The following TERF2 variants were observed in gnomAD, a reference collection of about 807,000 sequenced individuals.
TERF2 encodes the protein telomeric repeat binding factor 2, also known as telomeric repeat-binding factor 2.
Under a neutral mutation model 56.1 loss-of-function variants are expected in TERF2, and 16 were observed. That is an observed-to-expected ratio of 0.29 (90% confidence interval 0.19 to 0.43). TERF2 has a LOEUF of 0.43. Ranked by LOEUF, TERF2 falls within the 20% of genes least tolerant of loss-of-function variation. The pLI, the probability that TERF2 is intolerant of heterozygous loss-of-function variation, is 1.00. For synonymous variants in TERF2, 296 were observed against 282.1 expected (o/e 1.05, Z -0.50); for missense variants, 547 against 712.9 (o/e 0.77, Z 2.65).
At position 69,370,565 on chromosome 16, in the gene TERF2, T is replaced by TCTCATATCTCA; in HGVS notation, c.757_758insTGAGATATGAG (p.Asn253MetfsTer38). ...CTGCTGGAAGGTCTCATATGAAAAG[T>TCTCATATCTCA]TCTGGATAACAGGATGGGCCAAGTT... On this transcript the variant is annotated frameshift_variant, in exon 5 of 10. Coordinates refer to ENST00000254942, the MANE Select transcript of TERF2 (RefSeq NM_005652.5). LOFTEE classifies it high-confidence loss of function. 6.2e-7 allele frequency: 1 copy of TCTCATATCTCA among 1,614,146 alleles called. No homozygotes were observed. The highest frequency in any genetic ancestry group is 8.5e-7 in the Non-Finnish European group (1 of 1,180,040).
intron 8 of TERF2, among the ~76,000 whole-genome samples, chr16:69,358,635 C>T (rs2013010015): frequency 6.6e-6 from 1 of 152,146 alleles, no homozygotes; most frequent in South Asian, 2.1e-4. Context: ...TTACACAAAC[C>T]TAGATGGTAG....
intron 5 of TERF2, 191 bp from the exon 6 acceptor site, chr16:69,368,673 A>C (rs1176168829): frequency 9.1e-6 from 13 of 1,435,234 alleles, no homozygotes; most frequent in Admixed American, 2.0e-5. Flanking sequence ...TTCAAACTTA[A>C]GATAACTAAT....
Position 69,370,569 on chromosome 16 carries a change from G to A in TERF2, c.754C>T (p.Gln252Ter). The A allele has an allele frequency of 6.2e-7, 1 of 1,614,070 alleles. No individual in the cohort carries two copies. Among genetic ancestry groups the A allele is most frequent in the Non-Finnish European group, 8.5e-7 (1 of 1,180,000 alleles). The part of the protein sequence containing the change: ...REKNLAHPVI[Q>*]NFSYETFQQK... The stretch of plus-strand genomic sequence containing the variant: ...TGGAAGGTCTCATATGAAAAGTTCT[G>A]GATAACAGGATGGGCCAAGTTCTTT... Residue 252 changes from glutamine to a stop codon, truncating the protein, a stop_gained, in exon 5 of 10, where the codon CAG (glutamine) becomes TAG (stop). Coordinates refer to ENST00000254942, the MANE Select transcript of TERF2 (RefSeq NM_005652.5). LOFTEE classifies it high-confidence loss of function.
At chr16:69,370,820 A>C (rs1038970713) in intron 4 of TERF2, among the ~76,000 whole-genome samples, 191 bp from the exon 5 acceptor site, 14 of 152,238 alleles carry the variant, frequency 9.2e-5, no homozygotes, top group Non-Finnish European at 4.4e-5. Context: ...GTGGGTTACT[A>C]TGCAGCTATA....
intron 7 of TERF2, chr16:69,366,582 C>T: frequency 1.9e-6 from 1 of 532,674 alleles, no homozygotes. Flanking sequence ...CCTTTCCATT[C>T]CCACTCATGC....
intron 8 of TERF2, among the ~76,000 whole-genome samples, chr16:69,360,311 G>C (rs1487841471): frequency 1.3e-5 from 2 of 151,760 alleles, no homozygotes; most frequent in Non-Finnish European, 2.9e-5. Context: ...CTTGAACCTG[G>C]AAGGCGGAGG....
intron 4 of TERF2, 79 bp downstream of exon 4, chr16:69,372,190 C>G: frequency 2.0e-6 from 2 of 1,014,754 alleles, no homozygotes; most frequent in Non-Finnish European, 1.5e-6. Context: ...TATTCCTGAC[C>G]AAGAACCCTT....
intron 5 of TERF2, among the ~76,000 whole-genome samples, chr16:69,369,722 T>C (rs1597249530): frequency 6.6e-6 from 1 of 152,362 alleles, no homozygotes; most frequent in Middle Eastern, 3.4e-3. Context: ...ACTGCTTCCA[T>C]TCTTTTATCT....
At chr16:69,370,365 G>C in intron 5 of TERF2, 118 bp downstream of exon 5, 4 of 1,349,284 alleles carry the variant, frequency 3.0e-6, no homozygotes, top group Non-Finnish European at 4.0e-6. Flanking sequence ...AATTAAGAAA[G>C]CTAGTGCATA....
At chr16:69,361,350 G>A (rs534905617) in intron 8 of TERF2, 54 bp downstream of exon 8, 11 of 1,231,246 alleles carry the variant, frequency 8.9e-6, no homozygotes, top group South Asian at 7.2e-5. Context: ...ACAGTAACAC[G>A]CATCTGTACT....
rs922892228 is a variant in TERF2, at chr16:69,362,345, C to T, written c.1341-856G>A. Among the ~76,000 whole-genome samples, 3 of 152,160 alleles carry T rather than the reference C, an allele frequency of 2.0e-5. No individual in the cohort carries two copies. The South Asian group carries it at 6.2e-4, about 31-fold the overall frequency. On this transcript the variant is annotated intron_variant, in intron 7 of 9. Coordinates refer to ENST00000254942, the MANE Select transcript of TERF2 (RefSeq NM_005652.5). ...ACAACACACACAGAAAGCCTTTCTC[C>T]TCCTGCCTGCAGTGCTGTTTCCACC...
In TERF2 at chr16:69,385,799, C is replaced by T. The variant is rs1055614214; in HGVS notation, c.173G>A (p.Gly58Asp). The T allele has an allele frequency of 6.2e-6, 8 of 1,297,058 alleles. No individual in the cohort carries two copies. The highest frequency in any genetic ancestry group is 2.4e-5 in the South Asian group (1 of 41,204). The allele number at this position is 1,297,058 out of a possible 1,614,324, so 80.3% of individuals were successfully genotyped here. The change falls in exon 1 of 10, where the codon GGC becomes GAC. Residue 58 changes from glycine (G) to aspartate (D), a missense_variant. Gly to Asp is a moderately conservative substitution (Grantham distance 94). Transcript: ENST00000254942. Reference sequence around the variant, plus strand: ...CCCGCTACTGCGGGACGCCCGCCTGCCAGCTGCCCGCCCGCTGCCGTCGCT... The same window carrying T: ...CCCGCTACTGCGGGACGCCCGCCTGTCAGCTGCCCGCCCGCTGCCGTCGCT... Reference protein sequence around the residue: ...GSSDGSGRAAGRRASRSSGRA... With the variant: ...GSSDGSGRAADRRASRSSGRA...
intron 5 of TERF2, among the ~76,000 whole-genome samples, chr16:69,369,743 AT>A (rs2142735025): frequency 6.6e-6 from 1 of 152,266 alleles, no homozygotes; most frequent in South Asian, 2.1e-4. Flanking sequence ...CTTTGATCCA[AT>A]TAAAGAATGT....
Position 69,356,821 on chromosome 16 carries a change from A to G in TERF2, c.*77T>C, listed in dbSNP as rs1260019158. 1.4e-6 allele frequency: 2 copies of G among 1,447,410 alleles called. No homozygotes were observed. The highest frequency in any genetic ancestry group is 1.4e-5 in the South Asian group (1 of 69,750). The allele number at this position is 1,447,410 out of a possible 1,614,324, so 89.7% of individuals were successfully genotyped here. A position where few individuals can be genotyped will look rare whatever the true frequency, so the allele number is the denominator to read the frequency against. ...TCTCAAAAAAAAAAAAAAAAGAAAA[A>G]GAAAGAAAGAGCAGACTATCAGGGG... On this transcript the variant is annotated 3_prime_UTR_variant, in exon 10 of 10. Coordinates refer to ENST00000254942, the MANE Select transcript of TERF2 (RefSeq NM_005652.5).
intron 9 of TERF2, 59 bp from the exon 10 acceptor site, chr16:69,357,115 C>T: frequency 6.5e-7 from 1 of 1,535,792 alleles, no homozygotes; most frequent in South Asian, 1.3e-5. Flanking sequence ...CTTACATTTT[C>T]TCCAATGTAG....
intron 1 of TERF2, 23 bp downstream of exon 1, chr16:69,385,570 C>G: frequency 6.3e-7 from 1 of 1,586,094 alleles, no homozygotes; most frequent in Admixed American, 1.7e-5. Context: ...GCTCCAACCC[C>G]CCTCCCCCGG....
At chr16:69,380,884 C>G (rs1463849215) in intron 3 of TERF2, among the ~76,000 whole-genome samples, 3 of 147,758 alleles carry the variant, frequency 2.0e-5, no homozygotes, top group African/African-American at 7.5e-5. Flanking sequence ...TCACGGCAAC[C>G]TCCTCCTCCC....
At chr16:69,362,856 C>T (rs149162069) in intron 7 of TERF2, among the ~76,000 whole-genome samples, 1 of 152,000 alleles carries the variant, frequency 6.6e-6, no homozygotes. Flanking sequence ...AAAAGTTAAC[C>T]AAGAATAGAG....
chr16:69,374,707 C>T (rs887719244), intron 3 of TERF2, among the ~76,000 whole-genome samples: 23 of 132,118 alleles, frequency 1.7e-4, no homozygotes, highest in Middle Eastern at 5.3e-3. Flanking sequence ...GTGGCTCGCG[C>T]CTGTAATCCC....
Sources: allele counts gnomAD v4.1 joint callset (sites outside exome capture counted in the v4.1 genomes callset), GRCh38; gene constraint gnomAD v4.1.1; transcripts MANE v1.5; gene names NCBI Gene and HGNC (gene_info 2026-07-23, HGNC 2026-07-21).